Variants in RIT2 observed in about 807,000 individuals in gnomAD.
RIT2 encodes GTP-binding protein Rit2.
In RIT2, 24 loss-of-function variants were observed where a neutral mutation model predicts 23.7. The ratio of observed to expected loss-of-function variants is 1.01; its 90% CI spans 0.73 to 1.43. The LOEUF (loss-of-function observed/expected upper bound fraction) is 1.43. Ranked by LOEUF, RIT2 falls within the 40% of genes most tolerant of loss-of-function variation. The pLI is 0.00. For synonymous variants in RIT2, 107 were observed against 91.1 expected, an observed-to-expected ratio of 1.17 and a Z score of -0.99; for missense variants, 236 against 266.9, an observed-to-expected ratio of 0.88 and a Z score of 0.81.
At chr18:42,801,494 C>T (rs904843127) in intron 4 of RIT2, among the ~76,000 whole-genome samples, 1 of 152,144 alleles carries the variant, frequency 6.6e-6, no homozygotes, top group Non-Finnish European at 1.5e-5. Context: ...ACACTGACAA[C>T]ATCTGGGTCC....
At chr18:42,846,775 G>T (rs183579508) in intron 4 of RIT2, among the ~76,000 whole-genome samples, 1 of 152,074 alleles carries the variant, frequency 6.6e-6, no homozygotes, top group African/African-American at 2.4e-5. Context: ...AAAAAGGAAC[G>T]CTTCAAATTT....
intron 3 of RIT2, among the ~76,000 whole-genome samples, chr18:42,932,837 A>ATTATATTC (rs1169706331): frequency 7.1e-6 from 1 of 140,016 alleles, no homozygotes; most frequent in Non-Finnish European, 1.6e-5. Flanking sequence ...TTCTTAGTCA[A>ATTATATTC]TTATATTCTT....
At chr18:42,896,985 C>T (rs923464855) in intron 4 of RIT2, among the ~76,000 whole-genome samples, 9 of 152,166 alleles carry the variant, frequency 5.9e-5, no homozygotes, top group African/African-American at 1.7e-4. Context: ...TTTTAAATGA[C>T]GCAGTCCTCT....
chr18:42,783,467 A>G (rs1475745224), intron 4 of RIT2, among the ~76,000 whole-genome samples: 4 of 152,190 alleles, frequency 2.6e-5, no homozygotes, highest in Non-Finnish European at 1.5e-5. Flanking sequence ...TACCAGCTTC[A>G]GGAGTAATAA....
intron 4 of RIT2, among the ~76,000 whole-genome samples, chr18:42,767,144 G>T (rs531133835): frequency 5.9e-5 from 9 of 152,268 alleles, no homozygotes; most frequent in African/African-American, 2.2e-4. Flanking sequence ...AGACGGCCAT[G>T]GTCCTCCAGA....
chr18:43,084,744 T>G (rs1913242027), intron 1 of RIT2, among the ~76,000 whole-genome samples: 1 of 151,992 alleles, frequency 6.6e-6, no homozygotes, highest in African/African-American at 2.4e-5. Context: ...GGTTGGGGAC[T>G]AGGGGAGGGA....
intron 3 of RIT2, among the ~76,000 whole-genome samples, chr18:42,926,094 T>G (rs1460116075): frequency 6.6e-6 from 1 of 151,750 alleles, no homozygotes; most frequent in Non-Finnish European, 1.5e-5. Context: ...TACCTGAGAA[T>G]CTTTTTGGTC....
intron 4 of RIT2, among the ~76,000 whole-genome samples, chr18:42,798,153 T>C (rs573741219): frequency 6.6e-6 from 1 of 152,352 alleles, no homozygotes; most frequent in East Asian, 1.9e-4. Flanking sequence ...ATATATGCGT[T>C]GAGATTGTGG....
rs1909107615 is a variant in RIT2, at chr18:42,923,616, G to A, written c.382C>T (p.Leu128=). 9 of 1,613,400 alleles carry A rather than the reference G, an allele frequency of 5.6e-6. No individual in the cohort carries two copies. The East Asian group carries it at 1.8e-4, about 32-fold the overall frequency. ...TCAATTTTGTTACCCACCAGCACCA[G>A]GGGAATTTCATAGGTGTGGCGGACC... is the stretch of plus-strand genomic sequence containing the variant. The part of the protein sequence containing the change: ...FQVRHTYEIP[L]VLVGNKIDLE... The change falls in exon 4 of 5, where the codon CTG becomes TTG. Residue 128 remains leucine (L), a synonymous_variant. Transcript: ENST00000326695.
At chr18:42,937,748 A>G (rs182103124) in intron 3 of RIT2, among the ~76,000 whole-genome samples, 220 of 152,346 alleles carry the variant, frequency 1.4e-3, no homozygotes, top group African/African-American at 5.1e-3. Context: ...GGGAGTTAAC[A>G]TAAGTTGTAA....
chr18:43,055,279 C>T (rs889252269), intron 1 of RIT2, among the ~76,000 whole-genome samples: 8 of 152,212 alleles, frequency 5.3e-5, no homozygotes, highest in African/African-American at 9.6e-5. Flanking sequence ...ATTCTCTCAG[C>T]GCTCCCCATG....
Position 42,879,165 on chromosome 18 carries a change from T to C in RIT2, c.426+44407A>G, listed in dbSNP as rs1029652208. Reference sequence around the variant, plus strand: ...TCTGAATGATTTCTTTCCAAACCTATGAACAGCTTTCATCCTGGGACACTT... The same window carrying C: ...TCTGAATGATTTCTTTCCAAACCTACGAACAGCTTTCATCCTGGGACACTT... On this transcript the variant is annotated intron_variant, in intron 4 of 4. Coordinates refer to ENST00000326695, the MANE Select transcript of RIT2 (RefSeq NM_002930.4). Among the ~76,000 whole-genome samples, 16 of 152,286 alleles carry C rather than the reference T, an allele frequency of 1.1e-4. 1 individual carries two copies. The highest frequency in any genetic ancestry group is 6.8e-3 in the Middle Eastern group (2 of 294).
chr18:42,860,685 G>A (rs1256386796), intron 4 of RIT2, among the ~76,000 whole-genome samples: 1 of 152,152 alleles, frequency 6.6e-6, no homozygotes, highest in Non-Finnish European at 1.5e-5. Context: ...CAGTTTCTAT[G>A]TAGTCTCTAC....
chr18:42,758,108 A>G (rs1913208215), intron 4 of RIT2, among the ~76,000 whole-genome samples: 1 of 151,964 alleles, frequency 6.6e-6, no homozygotes, highest in South Asian at 2.1e-4. Context: ...AAAATATTCA[A>G]GTCTCAACTA....
intron 4 of RIT2, among the ~76,000 whole-genome samples, chr18:42,860,137 G>A (rs896314668): frequency 3.3e-5 from 5 of 152,158 alleles, no homozygotes; most frequent in Non-Finnish European, 7.4e-5. Context: ...GACAAATAAA[G>A]ACAAACCATG....
chr18:43,044,871 A>G (rs1912210220), intron 1 of RIT2, among the ~76,000 whole-genome samples: 1 of 152,128 alleles, frequency 6.6e-6, no homozygotes, highest in Admixed American at 6.6e-5. Flanking sequence ...CTCACTGCTA[A>G]TGGAAAGAAA....
intron 1 of RIT2, among the ~76,000 whole-genome samples, chr18:43,073,296 C>G (rs1281995938): frequency 6.6e-6 from 1 of 152,210 alleles, no homozygotes; most frequent in African/African-American, 2.4e-5. Flanking sequence ...TTTATTCTGA[C>G]AGCTTTTTGA....
chr18:42,765,383 G>A (rs572659666), intron 4 of RIT2, among the ~76,000 whole-genome samples: 1 of 152,238 alleles, frequency 6.6e-6, no homozygotes, highest in African/African-American at 2.4e-5. Flanking sequence ...TCATGAAAAA[G>A]GAAATATTTA....
chr18:42,856,453 G>C (rs906072255), intron 4 of RIT2, among the ~76,000 whole-genome samples: 5 of 152,146 alleles, frequency 3.3e-5, no homozygotes, highest in African/African-American at 1.2e-4. Context: ...AATTTCTCTT[G>C]AACCTTTTTC....
Sources: gnomAD v4.1 joint callset for allele counts (sites outside exome capture counted in the v4.1 genomes callset) on GRCh38, gnomAD v4.1.1 for gene constraint, MANE v1.5 for transcripts, NCBI Gene and HGNC (gene_info 2026-07-23, HGNC 2026-07-21) for gene names.